The following GFRA1 variants were observed in gnomAD, a reference collection of about 807,000 sequenced individuals.
GFRA1 encodes GDNF family receptor alpha 1.
In GFRA1, 16 loss-of-function variants were observed where a neutral mutation model predicts 51.6. The observed-to-expected ratio is 0.31, with a 90% CI of 0.21 to 0.47. The LOEUF (loss-of-function observed/expected upper bound fraction) is 0.47. GFRA1 is among the 20% of genes least tolerant of loss of function. GFRA1 has a pLI of 1.00. For missense variants in GFRA1, 530 were observed against 594.3 expected, an observed-to-expected ratio of 0.89 and a Z score of 1.13; for synonymous variants, 270 against 241.3, an observed-to-expected ratio of 1.12 and a Z score of -1.10.
intron 4 of GFRA1, among the ~76,000 whole-genome samples, chr10:116,231,763 C>G (rs1966689395): frequency 6.6e-6 from 1 of 152,140 alleles, no homozygotes; most frequent in Non-Finnish European, 1.5e-5. Flanking sequence ...AATTTAAATT[C>G]TAACTACAAT....
chr10:116,239,298 T>C (rs960602222), intron 4 of GFRA1, among the ~76,000 whole-genome samples: 5 of 152,216 alleles, frequency 3.3e-5, no homozygotes, highest in Non-Finnish European at 5.9e-5. Flanking sequence ...TTTATAATTA[T>C]TATTATCACA....
chr10:116,144,523 C>A (rs578023990), intron 5 of GFRA1, among the ~76,000 whole-genome samples: 1 of 150,786 alleles, frequency 6.6e-6, no homozygotes, highest in East Asian at 1.9e-4. Flanking sequence ...GCAAATACAC[C>A]CAAGGAATGA....
chr10:116,222,535 A>G (rs1965998758), intron 4 of GFRA1, among the ~76,000 whole-genome samples: 1 of 152,186 alleles, frequency 6.6e-6, no homozygotes, highest in Non-Finnish European at 1.5e-5. Flanking sequence ...GCCACTGGGA[A>G]AGCAATCTTT....
chr10:116,154,251 T>C (rs1283614115), intron 5 of GFRA1, among the ~76,000 whole-genome samples: 1 of 152,194 alleles, frequency 6.6e-6, no homozygotes. Context: ...GTCTATACGT[T>C]CACCAAAAGA....
rs1362226021 is a variant in GFRA1 at position 116,089,843 on chromosome 10, G to A, written c.1095C>T (p.Ala365=). 9 of 1,613,922 alleles carry A rather than the reference G, an allele frequency of 5.6e-6. No individual in the cohort carries two copies. The highest frequency in any genetic ancestry group is 2.2e-5 in the East Asian group (1 of 44,880). The change falls in exon 9 of 11, where the codon GCC becomes GCT. Residue 365 remains alanine (A), a synonymous_variant. Transcript: ENST00000355422. Reference sequence around the variant, plus strand: ...TAACCCGGAGGGCAGTGGTGGTAGTGGCAGTGGTGGTCTGTACTGGGAAGG... The same window carrying A: ...TAACCCGGAGGGCAGTGGTGGTAGTAGCAGTGGTGGTCTGTACTGGGAAGG... The part of the protein sequence containing the change: ...QPAFPVQTTT[A]TTTTALRVKN...
chr10:116,179,306 G>A (rs1426991501), intron 5 of GFRA1, among the ~76,000 whole-genome samples: 1 of 152,160 alleles, frequency 6.6e-6, no homozygotes, highest in African/African-American at 2.4e-5. Context: ...ACCATTGTCA[G>A]GGAGCATATA....
At chr10:116,142,306 T>C (rs188030199) in intron 5 of GFRA1, among the ~76,000 whole-genome samples, 238 of 152,336 alleles carry the variant, frequency 1.6e-3, no homozygotes, top group African/African-American at 5.6e-3. Flanking sequence ...ACTCTGGTCA[T>C]GTTTAATTCC....
At chr10:116,100,759 G>T (rs1956787302) in intron 6 of GFRA1, among the ~76,000 whole-genome samples, 1 of 152,172 alleles carries the variant, frequency 6.6e-6, no homozygotes, top group African/African-American at 2.4e-5. Context: ...CAAGAAATTT[G>T]CCAGGAGGGG....
rs1041313347 is a variant in GFRA1, at chr10:116,069,743, C to T, written c.1198-4117G>A. ...AGTGATTAGCATTTGGAAAGCCTGCCGTGGTGCCAGCAGCTTTCCTGTGCA... is the reference window on the plus strand; with the variant it reads ...AGTGATTAGCATTTGGAAAGCCTGCTGTGGTGCCAGCAGCTTTCCTGTGCA... On this transcript the variant is annotated intron_variant, in intron 9 of 10. Coordinates refer to ENST00000355422, the MANE Select transcript of GFRA1 (RefSeq NM_005264.8). Among the ~76,000 whole-genome samples the T allele has an allele frequency of 2.6e-5, 4 of 152,176 alleles. 1 individual carries two copies. In the South Asian group the frequency reaches 8.3e-4, roughly 32 times the overall value.
At position 116,065,555 on chromosome 10, in the gene GFRA1, C is replaced by T; in HGVS notation, c.1251+18G>A. The T allele has an allele frequency of 6.2e-7, 1 of 1,604,836 alleles. No homozygotes were observed. Among genetic ancestry groups the T allele is most frequent in the Non-Finnish European group, 8.5e-7 (1 of 1,171,782 alleles). On this transcript the variant is annotated intron_variant, in intron 10 of 10. Coordinates refer to ENST00000355422, the MANE Select transcript of GFRA1 (RefSeq NM_005264.8). ...TGTTTCTATAAATGCACGAAGCCTCCAAAAGAAACATACTTACATTGGAAA... is the reference window on the plus strand; with the variant it reads ...TGTTTCTATAAATGCACGAAGCCTCTAAAAGAAACATACTTACATTGGAAA...
chr10:116,181,469 C>T (rs1445412031), intron 5 of GFRA1, among the ~76,000 whole-genome samples: 5 of 152,192 alleles, frequency 3.3e-5, no homozygotes, highest in Admixed American at 2.0e-4. Context: ...CATCTCAACA[C>T]CTGTCCTCAT....
chr10:116,212,066 G>A (rs1965233483), intron 4 of GFRA1, among the ~76,000 whole-genome samples: 1 of 152,162 alleles, frequency 6.6e-6, no homozygotes, highest in African/African-American at 2.4e-5. Flanking sequence ...TATAGATGGG[G>A]AAACTGAGGC....
intron 9 of GFRA1, among the ~76,000 whole-genome samples, chr10:116,083,703 G>A (rs573897502): frequency 6.6e-6 from 1 of 152,238 alleles, no homozygotes; most frequent in African/African-American, 2.4e-5. Context: ...AGACTTTGGG[G>A]GTTTGCCCCC....
intron 5 of GFRA1, among the ~76,000 whole-genome samples, chr10:116,138,288 C>G (rs1043271415): frequency 2.6e-5 from 4 of 152,170 alleles, no homozygotes; most frequent in Non-Finnish European, 5.9e-5. Flanking sequence ...GCCTGGCCAC[C>G]ATCTGAAAAT....
chr10:116,130,662 G>C (rs1053917608), intron 5 of GFRA1, among the ~76,000 whole-genome samples: 3 of 152,018 alleles, frequency 2.0e-5, no homozygotes, highest in African/African-American at 7.2e-5. Context: ...TGGGGGAAGA[G>C]AGTCTTTTCA....
chr10:116,189,132 A>C lies in GFRA1; in HGVS notation c.433+22499T>G, dbSNP rs1386218519. On this transcript the variant is annotated intron_variant, in intron 5 of 10. Coordinates refer to ENST00000355422, the MANE Select transcript of GFRA1 (RefSeq NM_005264.8). ...AAAAAAGTAGGCAAGTGATCACAGC[A>C]TTCTTCCTGGGCCAGAAAATGAATT... 2.0e-5 allele frequency among the ~76,000 whole-genome samples: 3 copies of C among 151,144 alleles called. No homozygotes were observed. In the East Asian group the frequency reaches 5.9e-4, roughly 30 times the overall value.
At chr10:116,216,746 G>A (rs894457884) in intron 4 of GFRA1, among the ~76,000 whole-genome samples, 2 of 152,142 alleles carry the variant, frequency 1.3e-5, no homozygotes, top group African/African-American at 4.8e-5. Flanking sequence ...CCTGTGGTTT[G>A]AGCTACAGAA....
intron 9 of GFRA1, among the ~76,000 whole-genome samples, chr10:116,066,340 G>C (rs1288596911): frequency 6.6e-6 from 1 of 152,062 alleles, no homozygotes; most frequent in African/African-American, 2.4e-5. Context: ...TTTCAGATGG[G>C]CATCCTCAAA....
Position 116,125,204 on chromosome 10 carries a change from T to G in GFRA1, c.770+17A>C, listed in dbSNP as rs116600910. ...CCCTGTCACCTCATTAATCACCAGCTGCCAGTGCCCACTTACCTGCAGATG... is the reference window on the plus strand; with the variant it reads ...CCCTGTCACCTCATTAATCACCAGCGGCCAGTGCCCACTTACCTGCAGATG... On this transcript the variant is annotated intron_variant, in intron 6 of 10. Transcript: ENST00000355422. 4,350 of 1,602,372 alleles carry G rather than the reference T, an allele frequency of 2.7e-3. 113 individuals carry two copies. In the African/African-American group the frequency reaches 0.051, roughly 19 times the overall value.
Sources: gnomAD v4.1 joint callset for allele counts (sites outside exome capture counted in the v4.1 genomes callset) on GRCh38, gnomAD v4.1.1 for gene constraint, MANE v1.5 for transcripts, NCBI Gene and HGNC (gene_info 2026-07-23, HGNC 2026-07-21) for gene names.